BMPER: variants seen among roughly 807,000 people sequenced by gnomAD.
BMPER encodes BMP-binding endothelial regulator protein.
BMPER carries 45 observed loss-of-function variants against 87.3 expected under a neutral mutation model. That is an observed-to-expected ratio of 0.52 (90% confidence interval 0.41 to 0.66). BMPER has a LOEUF of 0.66. Among genes scored for constraint, BMPER ranks in the 30% least tolerant of loss-of-function variants. The probability of loss-of-function intolerance (pLI) is 0.00; values close to 1 mark genes in which losing one functional copy is unlikely to be tolerated. For missense variants in BMPER, 784 were observed against 867.5 expected (o/e 0.90, Z 1.21); for synonymous variants, 326 against 316.2 (o/e 1.03, Z -0.33).
intron 2 of BMPER, among the ~76,000 whole-genome samples, chr7:33,924,963 A>G (rs1242980370): frequency 6.6e-6 from 1 of 152,136 alleles, no homozygotes; most frequent in Non-Finnish European, 1.5e-5. Flanking sequence ...CACCCGGCCT[A>G]AAGGATCTTT....
intron 6 of BMPER, among the ~76,000 whole-genome samples, chr7:33,978,787 T>C (rs1477269099): frequency 6.6e-6 from 1 of 152,224 alleles, no homozygotes; most frequent in Non-Finnish European, 1.5e-5. Flanking sequence ...TTCAGCCTGC[T>C]CAGAACATTT....
intron 3 of BMPER, among the ~76,000 whole-genome samples, chr7:33,961,698 G>A (rs1435431872): frequency 2.0e-5 from 3 of 152,148 alleles, no homozygotes; most frequent in African/African-American, 4.8e-5. Flanking sequence ...TTTTGCTTGG[G>A]CCCTTAGAAG....
At chr7:34,120,543 C>A (rs1216457254) in intron 13 of BMPER, among the ~76,000 whole-genome samples, 1 of 152,090 alleles carries the variant, frequency 6.6e-6, no homozygotes, top group African/African-American at 2.4e-5. Flanking sequence ...GAATTACAGG[C>A]GTGCACCATC....
intron 6 of BMPER, 125 bp downstream of exon 6, chr7:33,974,909 C>A: frequency 1.0e-6 from 1 of 956,042 alleles, no homozygotes; most frequent in Non-Finnish European, 1.7e-6. Context: ...TCCGTCCCTC[C>A]TGATGTGGAG....
chr7:34,124,235 C>G (rs924852515), intron 13 of BMPER, among the ~76,000 whole-genome samples: 2 of 152,184 alleles, frequency 1.3e-5, no homozygotes, highest in African/African-American at 4.8e-5. Context: ...AATGTAGCCT[C>G]TACTTCCACA....
Position 34,069,359 on chromosome 7 carries a change from G to A in BMPER, c.1078+7312G>A, listed in dbSNP as rs75351991. On this transcript the variant is annotated intron_variant, in intron 11 of 14. Transcript: ENST00000649409. ...TCTTTGGAGGTCACATCTCCTATGA[G>A]CAAAATAAAAGCAACAAAAATTGCT... Among the ~76,000 whole-genome samples, 403 of 152,256 alleles carry A rather than the reference G, an allele frequency of 2.6e-3. 1 individual carries two copies. Among genetic ancestry groups the A allele is most frequent in the African/African-American group, 9.5e-3 (395 of 41,536 alleles).
chr7:33,944,917 G>T (rs1784848650), intron 3 of BMPER, among the ~76,000 whole-genome samples: 1 of 152,130 alleles, frequency 6.6e-6, no homozygotes, highest in Admixed American at 6.6e-5. Context: ...TCAGAATACA[G>T]CTCCTCAGAG....
At chr7:33,924,707 G>T (rs574177045) in intron 2 of BMPER, among the ~76,000 whole-genome samples, 27 of 152,028 alleles carry the variant, frequency 1.8e-4, no homozygotes, top group Non-Finnish European at 2.9e-4. Context: ...TTGCTCTGTC[G>T]CCCGGGCTGG....
At chr7:33,946,623 A>G (rs1270155883) in intron 3 of BMPER, among the ~76,000 whole-genome samples, 1 of 152,212 alleles carries the variant, frequency 6.6e-6, no homozygotes, top group Non-Finnish European at 1.5e-5. Flanking sequence ...CAAATCTGTA[A>G]TAAGTTTTTG....
intron 11 of BMPER, among the ~76,000 whole-genome samples, chr7:34,071,226 G>A (rs561634425): frequency 2.0e-5 from 3 of 152,176 alleles, no homozygotes; most frequent in African/African-American, 7.2e-5. Flanking sequence ...ATTTTAGCCA[G>A]CACTAGATAA....
chr7:33,946,557 A>G lies in BMPER; in HGVS notation c.319+9169A>G, dbSNP rs141231392. Among the ~76,000 whole-genome samples, 22 of 152,348 alleles carry G rather than the reference A, an allele frequency of 1.4e-4. No homozygotes were observed. The East Asian group carries it at 4.2e-3, about 29-fold the overall frequency. The stretch of plus-strand genomic sequence containing the variant: ...CCTGCCACTCAAAATCACCTGGGGA[A>G]CTTGTTAAGGTACCAGTTTCTAGGC... On this transcript the variant is annotated intron_variant, in intron 3 of 14. Transcript: ENST00000649409.
rs1791247471 is a variant in BMPER, at chr7:34,153,851, G to A, written c.*578G>A. On this transcript the variant is annotated 3_prime_UTR_variant, in exon 15 of 15. Coordinates refer to ENST00000649409, the MANE Select transcript of BMPER (RefSeq NM_001365308.1). ...GGCTGTTAGAATGTATTAGGTCATGGGCTAACATTATTTCCAAAATTGATT... is the reference window on the plus strand; with the variant it reads ...GGCTGTTAGAATGTATTAGGTCATGAGCTAACATTATTTCCAAAATTGATT... 1 of 155,926 alleles carries A rather than the reference G, an allele frequency of 6.4e-6. No homozygotes were observed. Among genetic ancestry groups the A allele is most frequent in the Non-Finnish European group, 1.4e-5 (1 of 69,974 alleles). The allele number at this position is 155,926 out of a possible 1,614,324, so 9.7% of individuals were successfully genotyped here.
chr7:34,033,244 A>G (rs985381349), intron 6 of BMPER, among the ~76,000 whole-genome samples: 1 of 152,220 alleles, frequency 6.6e-6, no homozygotes, highest in African/African-American at 2.4e-5. Flanking sequence ...GAAATACCTC[A>G]CTGAAAGGAC....
At chr7:34,012,145 A>T (rs1786900312) in intron 6 of BMPER, among the ~76,000 whole-genome samples, 1 of 151,982 alleles carries the variant, frequency 6.6e-6, no homozygotes, top group Non-Finnish European at 1.5e-5. Flanking sequence ...GAGAATAGGG[A>T]ACAAGAAACT....
intron 13 of BMPER, among the ~76,000 whole-genome samples, chr7:34,091,463 C>T (rs928286875): frequency 2.0e-5 from 3 of 152,114 alleles, no homozygotes; most frequent in Non-Finnish European, 4.4e-5. Flanking sequence ...TTTCCTTAGC[C>T]GACTCAACTG....
intron 8 of BMPER, among the ~76,000 whole-genome samples, chr7:34,053,113 T>G (rs1277977348): frequency 6.6e-6 from 1 of 152,126 alleles, no homozygotes; most frequent in African/African-American, 2.4e-5. Context: ...TGAATGGGAT[T>G]TAGTTATGCT....
At chr7:34,024,404 TA>T (rs1787300205) in intron 6 of BMPER, among the ~76,000 whole-genome samples, 1 of 36,120 alleles carries the variant, frequency 2.8e-5, no homozygotes, top group Non-Finnish European at 5.2e-5. Context: ...TATATATATA[TA>T]TATATATATA....
chr7:33,935,859 G>T (rs1476914933), intron 2 of BMPER, among the ~76,000 whole-genome samples: 1 of 152,184 alleles, frequency 6.6e-6, no homozygotes, highest in Non-Finnish European at 1.5e-5. Flanking sequence ...GTGCCATTCA[G>T]TGGACAAGTT....
intron 13 of BMPER, among the ~76,000 whole-genome samples, chr7:34,130,688 G>T (rs1790561282): frequency 6.6e-6 from 1 of 152,366 alleles, no homozygotes. Flanking sequence ...TCCCATGGGG[G>T]TGTAGTTGCA....
Sources: gnomAD v4.1 joint callset for allele counts (sites outside exome capture counted in the v4.1 genomes callset) on GRCh38, gnomAD v4.1.1 for gene constraint, MANE v1.5 for transcripts, NCBI Gene and HGNC (gene_info 2026-07-23, HGNC 2026-07-21) for gene names.